The following DLG2 variants were observed in gnomAD, a reference collection of about 807,000 sequenced individuals.
The protein encoded by DLG2 is discs large MAGUK scaffold protein 2.
Under a neutral mutation model 132.5 loss-of-function variants are expected in DLG2, and 45 were observed. The ratio of observed to expected loss-of-function variants is 0.34; its 90% confidence interval spans 0.27 to 0.44. The LOEUF (loss-of-function observed/expected upper bound fraction) is 0.44. Among genes scored for constraint, DLG2 ranks in the 20% least tolerant of loss-of-function variants. The pLI is 1.00. For synonymous variants in DLG2, 424 were observed against 419.6 expected (o/e 1.01, Z -0.13); for missense variants, 1,045 against 1,196.9 (o/e 0.87, Z 1.87).
At chr11:85,296,767 G>A (rs2079249402) in intron 3 of DLG2, among the ~76,000 whole-genome samples, 1 of 151,236 alleles carries the variant, frequency 6.6e-6, no homozygotes, top group South Asian at 2.1e-4. Context: ...AAAAGAACAT[G>A]CTTGTAAACA....
chr11:84,704,119 A>T (rs564910737), intron 6 of DLG2, among the ~76,000 whole-genome samples: 1 of 151,196 alleles, frequency 6.6e-6, no homozygotes, highest in Non-Finnish European at 1.5e-5. Context: ...TTCATTTTGC[A>T]CTTGAAGACA....
intron 6 of DLG2, among the ~76,000 whole-genome samples, chr11:84,644,932 A>G (rs190329373): frequency 3.2e-4 from 49 of 152,318 alleles, no homozygotes; most frequent in South Asian, 1.0e-3. Flanking sequence ...TGGAACCTGC[A>G]GTGCTAAAGA....
chr11:85,311,416 C>T lies in DLG2; in HGVS notation c.41-26051G>A, dbSNP rs911616793. Among the ~76,000 whole-genome samples, 7 of 152,234 alleles carry T rather than the reference C, an allele frequency of 4.6e-5. No individual in the cohort carries two copies. In the East Asian group the frequency reaches 1.2e-3, roughly 25 times the overall value. ...GAAAGTTTAAATAACTTGCCATGGT[C>T]ACACCTATAGTAAGTGGTGAAGCCC... On this transcript the variant is annotated intron_variant, in intron 3 of 27. Transcript: ENST00000376104.
intron 4 of DLG2, among the ~76,000 whole-genome samples, chr11:85,245,679 C>T (rs1055997354): frequency 6.6e-6 from 1 of 151,858 alleles, no homozygotes; most frequent in South Asian, 2.1e-4. Flanking sequence ...ATGAATTTAC[C>T]CATTTCACTC....
At chr11:84,986,380 C>G (rs10898341) in intron 6 of DLG2, among the ~76,000 whole-genome samples, 77,525 of 151,902 alleles carry the variant, frequency 0.51, 20,162 homozygotes, top group East Asian at 0.64. Context: ...GGTACCAACC[C>G]TATTGACACT....
chr11:84,611,138 C>T (rs1399348861), intron 6 of DLG2, among the ~76,000 whole-genome samples: 5 of 151,822 alleles, frequency 3.3e-5, no homozygotes, highest in East Asian at 1.9e-4. Flanking sequence ...ATTTACTTAC[C>T]GGCTTCTCAA....
chr11:83,790,479 A>T, intron 17 of DLG2: 1 of 1,227,590 alleles, frequency 8.1e-7, no homozygotes, highest in Non-Finnish European at 1.2e-6. Flanking sequence ...TGTCACTACC[A>T]TGGGACCACT....
intron 17 of DLG2, among the ~76,000 whole-genome samples, chr11:83,828,091 C>T (rs1490068550): frequency 1.3e-5 from 2 of 152,094 alleles, no homozygotes; most frequent in Non-Finnish European, 2.9e-5. Context: ...AATGGAGCTT[C>T]AGGACCCTCC....
At chr11:83,466,892 A>G in intron 25 of DLG2, 75 bp from the exon 26 acceptor site, 7 of 1,014,168 alleles carry the variant, frequency 6.9e-6, no homozygotes, top group Admixed American at 1.8e-5. Flanking sequence ...AAACTAATGT[A>G]TGTAGGTTTT....
At chr11:84,818,450 T>A (rs981484933) in intron 6 of DLG2, among the ~76,000 whole-genome samples, 2 of 151,782 alleles carry the variant, frequency 1.3e-5, no homozygotes, top group Non-Finnish European at 2.9e-5. Flanking sequence ...TTAGGCTTGT[T>A]ATATTAATAA....
intron 7 of DLG2, among the ~76,000 whole-genome samples, chr11:84,385,761 G>A (rs7128063): frequency 0.36 from 55,168 of 151,900 alleles, 14,989 homozygotes; most frequent in African/African-American, 0.76. Flanking sequence ...GAGTCCAATG[G>A]GAGCCTACAA....
At chr11:84,142,666 C>G (rs923617878) in intron 9 of DLG2, among the ~76,000 whole-genome samples, 2 of 152,106 alleles carry the variant, frequency 1.3e-5, no homozygotes, top group Non-Finnish European at 2.9e-5. Context: ...AACAAAAAGG[C>G]AGAGGAAGGA....
At chr11:83,896,392 A>T (rs1351187147) in intron 15 of DLG2, among the ~76,000 whole-genome samples, 2 of 152,240 alleles carry the variant, frequency 1.3e-5, no homozygotes, top group African/African-American at 4.8e-5. Flanking sequence ...GAAAGCCATC[A>T]ACGCAGCTGA....
intron 10 of DLG2, among the ~76,000 whole-genome samples, chr11:84,065,250 AG>A (rs1281904957): frequency 6.6e-6 from 1 of 152,238 alleles, no homozygotes; most frequent in Non-Finnish European, 1.5e-5. Context: ...GCTTCTGCAC[AG>A]CAAAAGAAAC....
intron 18 of DLG2, among the ~76,000 whole-genome samples, chr11:83,728,161 C>T (rs1439933800): frequency 6.6e-6 from 1 of 152,166 alleles, no homozygotes; most frequent in African/African-American, 2.4e-5. Flanking sequence ...TTGCTCCTTC[C>T]CTCTTATGTC....
At chr11:85,596,708 A>G (rs2079795932) in intron 3 of DLG2, among the ~76,000 whole-genome samples, 1 of 152,140 alleles carries the variant, frequency 6.6e-6, no homozygotes, top group African/African-American at 2.4e-5. Context: ...GACCATAACA[A>G]TGCGCTATAT....
At chr11:83,900,672 G>C (rs983100562) in intron 15 of DLG2, among the ~76,000 whole-genome samples, 1 of 152,184 alleles carries the variant, frequency 6.6e-6, no homozygotes, top group African/African-American at 2.4e-5. Context: ...AGGATATATG[G>C]AAATACCTGG....
intron 7 of DLG2, among the ~76,000 whole-genome samples, chr11:84,349,666 T>A (rs1272105108): frequency 6.6e-6 from 1 of 152,170 alleles, no homozygotes; most frequent in Non-Finnish European, 1.5e-5. Context: ...CATACTTTTA[T>A]CTTCATAAAT....
rs925520629 is a variant in DLG2 at position 83,458,091 on chromosome 11, G to A, written c.*1727C>T. Reference sequence around the variant, plus strand: ...TGCTCTCCTACCCAGCCTACATGCTGGTTTGCTGCACAGTGTGGCAGAATC... The same window carrying A: ...TGCTCTCCTACCCAGCCTACATGCTAGTTTGCTGCACAGTGTGGCAGAATC... On this transcript the variant is annotated 3_prime_UTR_variant, in exon 28 of 28. Coordinates refer to ENST00000376104, the MANE Select transcript of DLG2 (RefSeq NM_001142699.3). 6.6e-6 allele frequency: 1 copy of A among 152,636 alleles called. No homozygotes were observed. Among genetic ancestry groups the A allele is most frequent in the African/African-American group, 2.4e-5 (1 of 41,426 alleles). 9.5% of individuals were successfully genotyped at this position (152,636 alleles called of 1,614,324 possible). A position where few individuals can be genotyped will look rare whatever the true frequency, so the allele number is the denominator to read the frequency against.
Sources: allele counts gnomAD v4.1 joint callset (sites outside exome capture counted in the v4.1 genomes callset), GRCh38; gene constraint gnomAD v4.1.1; transcripts MANE v1.5; gene names NCBI Gene and HGNC (gene_info 2026-07-23, HGNC 2026-07-21).